Variants in KDM2A observed in about 807,000 individuals in gnomAD.
KDM2A encodes lysine-specific demethylase 2A.
In KDM2A, 3 loss-of-function variants were observed where a neutral mutation model predicts 137.3. The ratio of observed to expected loss-of-function variants is 0.02; its 90% CI spans 0.01 to 0.06. KDM2A has a LOEUF of 0.06. Ranked by LOEUF, KDM2A falls within the 10% of genes least tolerant of loss-of-function variation. The probability of loss-of-function intolerance (pLI) is 1.00; values close to 1 mark genes in which losing one functional copy is unlikely to be tolerated. For missense variants in KDM2A, 738 were observed against 1,510.6 expected, an observed-to-expected ratio of 0.49 and a Z score of 8.48; for synonymous variants, 512 against 541.5, an observed-to-expected ratio of 0.95 and a Z score of 0.76.
intron 12 of KDM2A, among the ~76,000 whole-genome samples, chr11:67,236,342 G>A (rs898835937): frequency 7.9e-5 from 12 of 152,084 alleles, no homozygotes; most frequent in African/African-American, 2.9e-4. Flanking sequence ...TGTTGGCCAG[G>A]CTGGTCTTGA....
At chr11:67,135,530 A>G (rs994275305) in intron 2 of KDM2A, among the ~76,000 whole-genome samples, 2 of 152,108 alleles carry the variant, frequency 1.3e-5, no homozygotes. Context: ...GCCTTAATTC[A>G]TCTCTTTAGA....
chr11:67,158,271 G>A (rs1590733757), intron 2 of KDM2A, among the ~76,000 whole-genome samples: 1 of 152,076 alleles, frequency 6.6e-6, no homozygotes, highest in African/African-American at 2.4e-5. Flanking sequence ...TCATTTCTTT[G>A]TATTGTTGAA....
intron 5 of KDM2A, among the ~76,000 whole-genome samples, chr11:67,186,764 A>G (rs146296975): frequency 3.3e-5 from 5 of 152,334 alleles, no homozygotes; most frequent in East Asian, 1.9e-4. Context: ...TGAGAGATCA[A>G]TACATTTAAA....
intron 2 of KDM2A, among the ~76,000 whole-genome samples, chr11:67,177,120 A>G (rs984238588): frequency 1.3e-5 from 2 of 151,862 alleles, no homozygotes; most frequent in Non-Finnish European, 2.9e-5. Flanking sequence ...AGCCGGGCAT[A>G]TTACTCGGGA....
At chr11:67,181,976 G>T in intron 5 of KDM2A, 84 bp downstream of exon 5, 2 of 1,134,142 alleles carry the variant, frequency 1.8e-6, no homozygotes, top group Non-Finnish European at 2.7e-6. Context: ...GAGATTTAAG[G>T]CCTAGGAACA....
In KDM2A at chr11:67,253,598, G is replaced by A. The variant is rs371429379; in HGVS notation, c.3078G>A (p.Pro1026=). 1.1e-5 allele frequency: 18 copies of A among 1,613,742 alleles called. No individual in the cohort carries two copies. The highest frequency in any genetic ancestry group is 1.7e-5 in the Admixed American group (1 of 59,996). Reference sequence around the variant, plus strand: ...AAATTCGGGACTTGCTTACTCCACCGGCTGATAAACCAGGTATGCTCTGGA... The same window carrying A: ...AAATTCGGGACTTGCTTACTCCACCAGCTGATAAACCAGGTATGCTCTGGA... ...DPQIRDLLTP[P]ADKPGQDNRS... is the part of the protein sequence containing the mutation. The change falls in exon 19 of 21, where the codon CCG becomes CCA. Residue 1026 remains proline (P), a synonymous_variant. Transcript: ENST00000529006.
chr11:67,253,385 A>G (rs563027782), intron 18 of KDM2A, 68 bp from the exon 19 acceptor site: 5 of 1,419,718 alleles, frequency 3.5e-6, no homozygotes, highest in Non-Finnish European at 4.9e-6. Context: ...CACTTTGCTC[A>G]GATCGTTACG....
chr11:67,249,471 T>A (rs750821669), intron 16 of KDM2A, among the ~76,000 whole-genome samples: 1 of 152,190 alleles, frequency 6.6e-6, no homozygotes, highest in African/African-American at 2.4e-5. Flanking sequence ...TAGTGGAACA[T>A]GTTTACTGGG....
chr11:67,250,288 G>A lies in KDM2A; in HGVS notation c.2258G>A (p.Arg753His). The A allele has an allele frequency of 4.3e-6, 7 of 1,613,926 alleles. No individual in the cohort carries two copies. Among genetic ancestry groups the A allele is most frequent in the Non-Finnish European group, 5.9e-6 (7 of 1,179,892 alleles). ...AGPSDHHSASRDERFKRRQLL... is the reference protein window; with the variant it reads ...AGPSDHHSASHDERFKRRQLL... ...CCCAGCGACCACCACAGTGCCAGCC[G>A]CGATGAGCGCTTCAAACGGCGGCAG... The change falls in exon 17 of 21, where the codon CGC becomes CAC. Residue 753 changes from arginine (R) to histidine (H), a missense_variant. By Grantham distance (29) the Arg-to-His change is conservative. Around this residue, in one of 9 missense-constraint regions of KDM2A, gnomAD observed 244 missense variants for 324.6 expected, o/e 0.75. Transcript: ENST00000529006. The surrounding 1 kb of genome is among the most constrained non-coding windows in gnomAD (Gnocchi z 7.1).
At chr11:67,217,295 C>G (rs1167100818) in intron 8 of KDM2A, among the ~76,000 whole-genome samples, 2 of 150,168 alleles carry the variant, frequency 1.3e-5, no homozygotes, top group Non-Finnish European at 3.0e-5. Flanking sequence ...TCTCCAAATC[C>G]AAAAGTCATT....
chr11:67,132,137 A>G (rs1855866829), intron 2 of KDM2A: 1 of 152,190 alleles, frequency 6.6e-6, no homozygotes, highest in Non-Finnish European at 1.5e-5. Context: ...TAAGCTTTAT[A>G]CTACTACTAT....
chr11:67,162,780 C>G (rs1856662955), intron 2 of KDM2A, among the ~76,000 whole-genome samples: 1 of 152,128 alleles, frequency 6.6e-6, no homozygotes, highest in Admixed American at 6.6e-5. Context: ...GTGGTGTGAT[C>G]ATTGTTCACT....
intron 5 of KDM2A, among the ~76,000 whole-genome samples, chr11:67,188,833 T>C (rs1590762383): frequency 6.7e-6 from 1 of 148,722 alleles, no homozygotes; most frequent in East Asian, 2.0e-4. Flanking sequence ...CAAAGACATA[T>C]ATTAATTAAA....
Position 67,129,460 on chromosome 11 carries a change from C to T in KDM2A, c.42+8102C>T, listed in dbSNP as rs575336715. Among the ~76,000 whole-genome samples, 14 of 151,826 alleles carry T rather than the reference C, an allele frequency of 9.2e-5. No homozygotes were observed. The East Asian group carries it at 1.6e-3, about 17-fold the overall frequency. On this transcript the variant is annotated intron_variant, in intron 2 of 20. Coordinates refer to ENST00000529006, the MANE Select transcript of KDM2A (RefSeq NM_012308.3). ...AAAAATTAGCCGGGCATAGGCCGGG[C>T]GCGGTGGCTCACACCTGTAATCCCA... is the stretch of plus-strand genomic sequence containing the variant.
At chr11:67,183,094 T>A (rs1423417967) in intron 5 of KDM2A, among the ~76,000 whole-genome samples, 1 of 152,222 alleles carries the variant, frequency 6.6e-6, no homozygotes, top group Admixed American at 6.5e-5. Context: ...AATCTCTGTT[T>A]TATTCATCCC....
intron 2 of KDM2A, among the ~76,000 whole-genome samples, chr11:67,160,868 G>A (rs1856619109): frequency 6.6e-6 from 1 of 152,240 alleles, no homozygotes. Context: ...AGCTACTTGG[G>A]AAGCTGAGGC....
At chr11:67,225,722 T>C (rs2136415194) in intron 10 of KDM2A, among the ~76,000 whole-genome samples, 1 of 148,300 alleles carries the variant, frequency 6.7e-6, no homozygotes, top group East Asian at 2.0e-4. Flanking sequence ...TGAGCCGAGA[T>C]CACACCACTG....
chr11:67,229,853 G>A (rs2136422961), intron 11 of KDM2A, among the ~76,000 whole-genome samples: 1 of 149,248 alleles, frequency 6.7e-6, no homozygotes, highest in South Asian at 2.1e-4. Flanking sequence ...TTGGGCGACA[G>A]AGTGAGACTC....
chr11:67,230,931 CA>C (rs879813930), intron 11 of KDM2A, among the ~76,000 whole-genome samples: 101 of 137,420 alleles, frequency 7.3e-4, no homozygotes, highest in Non-Finnish European at 6.9e-4. Flanking sequence ...AAACTTCAGA[CA>C]AAAAAAAAAA....
Sources: gnomAD v4.1 joint callset for allele counts (sites outside exome capture counted in the v4.1 genomes callset) on GRCh38, gnomAD v4.1.1 for gene constraint, gnomAD v4.1.1 regional missense constraint, Gnocchi (gnomAD v3.1) non-coding constraint, MANE v1.5 for transcripts, NCBI Gene and HGNC (gene_info 2026-07-23, HGNC 2026-07-21) for gene names.